The following UNC13D variants were observed in gnomAD, a reference collection of about 807,000 sequenced individuals.
The protein encoded by UNC13D is unc-13 homolog D.
A neutral mutation model predicts 151.7 loss-of-function variants in UNC13D; 115 were observed. The ratio of observed to expected loss-of-function variants is 0.76; its 90% CI spans 0.65 to 0.88. The LOEUF is 0.88. Among genes scored for constraint, UNC13D ranks in the 40% least tolerant of loss-of-function variants. The pLI is 0.00. For missense variants in UNC13D, 1,369 were observed against 1,438.7 expected (o/e 0.95, Z 0.78); for synonymous variants, 588 against 612.2 (o/e 0.96, Z 0.58).
At position 75,836,546 on chromosome 17, in the gene UNC13D, C is replaced by T. The variant is rs376962606; in HGVS notation, c.1298+26G>A. The T allele has an allele frequency of 1.2e-4, 188 of 1,613,164 alleles. 1 individual carries two copies. The highest frequency in any genetic ancestry group is 1.6e-4 in the Middle Eastern group (1 of 6,084). Reference sequence around the variant, plus strand: ...GCTGCTCCCTCATCCCTGACCCCACCGAGGAAGAGGAAGGCAGCCACTGAC... The same window carrying T: ...GCTGCTCCCTCATCCCTGACCCCACTGAGGAAGAGGAAGGCAGCCACTGAC... On this transcript the variant is annotated intron_variant, in intron 14 of 31. Coordinates refer to ENST00000207549, the MANE Select transcript of UNC13D (RefSeq NM_199242.3).
chr17:75,843,285 C>A lies in UNC13D; in HGVS notation c.154-19G>T, dbSNP rs3744009. The A allele has an allele frequency of 1.9e-6, 3 of 1,602,652 alleles. No homozygotes were observed. The highest frequency in any genetic ancestry group is 2.7e-5 in the African/African-American group (2 of 74,770). ...GGGCCCGCTAAGACACACGGGGTCA[C>A]CTTGGGGACCCCACCAGCCACCCCT... is the stretch of plus-strand genomic sequence containing the variant. On this transcript the variant is annotated intron_variant, in intron 2 of 31. Transcript: ENST00000207549.
At chr17:75,843,692 C>G in intron 1 of UNC13D, 173 bp from the exon 2 acceptor site, 2 of 1,459,934 alleles carry the variant, frequency 1.4e-6, no homozygotes, top group South Asian at 2.8e-5. Flanking sequence ...CCTGGAGGTC[C>G]GTCCCTGGGC....
chr17:75,828,157 G>T, intron 31 of UNC13D, 71 bp from the exon 32 acceptor site: 1 of 1,535,594 alleles, frequency 6.5e-7, no homozygotes, highest in Non-Finnish European at 8.8e-7. Flanking sequence ...AGAGAAGAGT[G>T]TGTGGGGGGG....
chr17:75,844,385 G>T lies in UNC13D; in HGVS notation c.-48C>A. On this transcript the variant is annotated 5_prime_UTR_variant, in exon 1 of 32. In the 5' UTR this introduces an upstream ATG that the reference lacks. Coordinates refer to ENST00000207549, the MANE Select transcript of UNC13D (RefSeq NM_199242.3). Reference sequence around the variant, plus strand: ...TGTCCGCTGGTGCTGGGTGAAGACAGCGAAGCCACAGGATTATGCAAAGAG... The same window carrying T: ...TGTCCGCTGGTGCTGGGTGAAGACATCGAAGCCACAGGATTATGCAAAGAG... The T allele has an allele frequency of 1.9e-6, 3 of 1,561,728 alleles. No individual in the cohort carries two copies. Among genetic ancestry groups the T allele is most frequent in the Non-Finnish European group, 2.6e-6 (3 of 1,152,706 alleles).
intron 14 of UNC13D, 48 bp downstream of exon 14, chr17:75,836,524 G>T (rs373788501): frequency 1.5e-5 from 24 of 1,612,724 alleles, no homozygotes; most frequent in Non-Finnish European, 1.9e-5. Flanking sequence ...CACCCCAGCT[G>T]CTCCCTCATC....
At chr17:75,828,762 C>T in intron 31 of UNC13D, 25 bp downstream of exon 31, 1 of 1,507,998 alleles carries the variant, frequency 6.6e-7, no homozygotes, top group East Asian at 2.5e-5. Flanking sequence ...GTCCCCGCAC[C>T]ACCCTGCCCT....
At position 75,844,364 on chromosome 17, in the gene UNC13D, C is replaced by T. The variant is rs778547098; in HGVS notation, c.-27G>A. On this transcript the variant is annotated 5_prime_UTR_variant, in exon 1 of 32. Coordinates refer to ENST00000207549, the MANE Select transcript of UNC13D (RefSeq NM_199242.3). ...GTGGCCTTCTCTGCCCTTCCCTGTC[C>T]GCTGGTGCTGGGTGAAGACAGCGAA... 5 of 1,591,788 alleles carry T rather than the reference C, an allele frequency of 3.1e-6. No individual in the cohort carries two copies. The South Asian group carries it at 3.4e-5, about 11-fold the overall frequency.
rs200265541 is a variant in UNC13D at position 75,840,289 on chromosome 17, G to C, written c.794C>G (p.Pro265Arg). The change falls in exon 10 of 32, where the codon CCC becomes CGC. Residue 265 changes from proline (P) to arginine (R), a missense_variant. Transcript: ENST00000207549. This position sits in a 1 kb window ranked among gnomAD's most constrained non-coding sequence, Gnocchi z 4.6. ...TCGGTCTGGGTAGGTCTCAGTGCGGGGTTCCAGGGGGTACCACTGGTCCTC... is the reference window on the plus strand; with the variant it reads ...TCGGTCTGGGTAGGTCTCAGTGCGGCGTTCCAGGGGGTACCACTGGTCCTC... ...CREDQWYPLE[P>R]RTETYPDRGQ... The C allele has an allele frequency of 1.9e-4, 310 of 1,613,878 alleles. No individual in the cohort carries two copies. The highest frequency in any genetic ancestry group is 2.4e-4 in the Non-Finnish European group (282 of 1,180,038).
In UNC13D at chr17:75,842,423, G is replaced by A. The variant is rs368069154; in HGVS notation, c.569+10C>T. The A allele has an allele frequency of 8.5e-5, 137 of 1,606,032 alleles. 3 individuals are homozygous for A. The South Asian group carries it at 1.1e-3, about 13-fold the overall frequency. On this transcript the variant is annotated intron_variant, in intron 6 of 31. Transcript: ENST00000207549. Reference sequence around the variant, plus strand: ...CTGGATAGAGTGGGGGCTGGAGCACGGCCACGTACAGGATGAAGGTCTCGT... The same window carrying A: ...CTGGATAGAGTGGGGGCTGGAGCACAGCCACGTACAGGATGAAGGTCTCGT...
In UNC13D at chr17:75,836,117, G is replaced by C. The variant is rs760322200; in HGVS notation, c.1447-8C>G. 146 of 1,612,966 alleles carry C rather than the reference G, an allele frequency of 9.1e-5. 1 individual carries two copies. Among genetic ancestry groups the C allele is most frequent in the Non-Finnish European group, 1.2e-4 (139 of 1,180,024 alleles). On this transcript the variant is annotated splice_region_variant and splice_polypyrimidine_tract_variant and intron_variant, in intron 16 of 31. Coordinates refer to ENST00000207549, the MANE Select transcript of UNC13D (RefSeq NM_199242.3). ...GCCTGCCTCCGGGATGCCCTGCAGA[G>C]ACAGAGGTGGGCTGGGCAGGGCTGC...
rs1216177145 is a variant in UNC13D, at chr17:75,840,351, C to A, written c.754-22G>T. 6.2e-7 allele frequency: 1 copy of A among 1,612,070 alleles called. No homozygotes were observed. Among genetic ancestry groups the A allele is most frequent in the Non-Finnish European group, 8.5e-7 (1 of 1,179,278 alleles). ...GGTCCTGACAGGCGGGGATGCCCAG[C>A]CCGTGAGCGTCAGAACCTCATAGAG... is the stretch of plus-strand genomic sequence containing the variant. On this transcript the variant is annotated intron_variant, in intron 9 of 31. Transcript: ENST00000207549. The surrounding 1 kb of genome is among the most constrained non-coding windows in gnomAD (Gnocchi z 4.6).
At position 75,830,419 on chromosome 17, in the gene UNC13D, G is replaced by A. The variant is rs1340250333; in HGVS notation, c.2773C>T (p.Gln925Ter). ...CTGAGCAGCTCCACACGCAGCTTCT[G>A]CTCAGAGGCGCGGTAGGAGGCCTTG... The part of the protein sequence containing the change: ...TVKASYRASE[Q>*]KLRVELLSAS... The change falls in exon 29 of 32, where the codon CAG becomes TAG. Residue 925 changes from glutamine (Q) to a stop codon, truncating the protein, a stop_gained. Transcript: ENST00000207549. LOFTEE classifies it high-confidence loss of function. 6.3e-7 allele frequency: 1 copy of A among 1,586,368 alleles called. No homozygotes were observed. Among genetic ancestry groups the A allele is most frequent in the South Asian group, 1.1e-5 (1 of 86,978 alleles).
chr17:75,841,106 G>A (rs867188729), intron 6 of UNC13D, 105 bp from the exon 7 acceptor site: 1 of 1,140,474 alleles, frequency 8.8e-7, no homozygotes, highest in Non-Finnish European at 1.3e-6. Flanking sequence ...GCCTATCCCT[G>A]CCAAACTTCC....
rs368577676 is a variant in UNC13D, at chr17:75,828,854, C to T, written c.3084G>A (p.Leu1028=). Residue 1028 remains leucine, a synonymous_variant, in exon 31 of 32, where the codon CTG becomes CTA. Coordinates refer to ENST00000207549, the MANE Select transcript of UNC13D (RefSeq NM_199242.3). ...CCTCACCAGGCTCCTCAGAGCCACT[C>T]AGCCCGGGCACCTCACGCAGCGGCA... The part of the protein sequence containing the change: ...AFLPLREVPG[L]SGSEEPGEVP... 1.3e-6 allele frequency: 2 copies of T among 1,590,480 alleles called. No individual in the cohort carries two copies. Among genetic ancestry groups the T allele is most frequent in the Admixed American group, 1.8e-5 (1 of 56,116 alleles).
At chr17:75,844,091 G>T in intron 1 of UNC13D, 130 bp downstream of exon 1, 1 of 1,495,226 alleles carries the variant, frequency 6.7e-7, no homozygotes, top group South Asian at 1.2e-5. Context: ...CCCCAGGGTG[G>T]AGTAGGCAGG....
At chr17:75,843,935 C>T (rs1027740906) in intron 1 of UNC13D, 93 of 1,384,968 alleles carry the variant, frequency 6.7e-5, no homozygotes, top group East Asian at 4.4e-4. Flanking sequence ...CTAATGGAGT[C>T]GGCTCTTCTG....
At position 75,828,030 on chromosome 17, in the gene UNC13D, A is replaced by T; in HGVS notation, c.3208T>A (p.Phe1070Ile). Residue 1070 changes from phenylalanine to isoleucine, a missense_variant, in exon 32 of 32, where the codon TTT becomes ATT. By Grantham distance (21) the Phe-to-Ile change is conservative (BLOSUM62 0). Coordinates refer to ENST00000207549, the MANE Select transcript of UNC13D (RefSeq NM_199242.3). ...GRKGDREAQV[F>I]VRLRRHRAKQ... is the part of the protein sequence containing the mutation. ...GCCCGGTGCCGCCGCAGCCTCACAA[A>T]GACCTGGGCTTCTCGGTCACCCTTC... The T allele has an allele frequency of 6.3e-7, 1 of 1,588,400 alleles. No individual in the cohort carries two copies. Among genetic ancestry groups the T allele is most frequent in the Non-Finnish European group, 8.6e-7 (1 of 1,168,210 alleles).
chr17:75,838,688 G>A (rs865781129), intron 12 of UNC13D, among the ~76,000 whole-genome samples: 23 of 152,300 alleles, frequency 1.5e-4, no homozygotes, highest in Middle Eastern at 6.8e-3. Flanking sequence ...CGGGGCTGGG[G>A]TTAGGGACCG....
At chr17:75,830,837 G>C (rs777207793) in intron 27 of UNC13D, among the ~76,000 whole-genome samples, 176 bp from the exon 28 acceptor site, 6 of 152,212 alleles carry the variant, frequency 3.9e-5, no homozygotes, top group Non-Finnish European at 8.8e-5. Context: ...GAGAGGCACA[G>C]ACAGGGCTGG....
Sources: allele counts gnomAD v4.1 joint callset (sites outside exome capture counted in the v4.1 genomes callset), GRCh38; gene constraint gnomAD v4.1.1; non-coding constraint Gnocchi (gnomAD v3.1); transcripts MANE v1.5; gene names NCBI Gene and HGNC (gene_info 2026-07-23, HGNC 2026-07-21).